Variants in FRRS1 observed in about 807,000 individuals in gnomAD.
FRRS1 encodes ferric chelate reductase 1.
Under a neutral mutation model 70.7 loss-of-function variants are expected in FRRS1, and 51 were observed. The ratio of observed to expected loss-of-function variants is 0.72; its 90% CI spans 0.58 to 0.91. The LOEUF (loss-of-function observed/expected upper bound fraction) is 0.91. Among genes scored for constraint, FRRS1 ranks in the 40% least tolerant of loss-of-function variants. The probability of loss-of-function intolerance (pLI) is 0.00; values close to 1 mark genes in which losing one functional copy is unlikely to be tolerated. For synonymous variants in FRRS1, 225 were observed against 238.7 expected, an observed-to-expected ratio of 0.94 and a Z score of 0.53; for missense variants, 672 against 726.0, an observed-to-expected ratio of 0.93 and a Z score of 0.86.
Position 99,706,269 on chromosome 1 carries a change from G to A in FRRS1, c.*2759C>T, listed in dbSNP as rs555154381. On this transcript the variant is annotated 3_prime_UTR_variant, in exon 17 of 17. Transcript: ENST00000646001. ...TTTTTAATTAGCTGGCTGTGGTGGT[G>A]CACGGAGTTGGTGCCTGTAGTTCCA... Among the ~76,000 whole-genome samples the A allele has an allele frequency of 2.0e-4, 31 of 151,648 alleles. No individual in the cohort carries two copies. Among genetic ancestry groups the A allele is most frequent in the African/African-American group, 7.5e-4 (31 of 41,304 alleles).
At chr1:99,716,534 C>G (rs1377016201) in intron 11 of FRRS1, among the ~76,000 whole-genome samples, 1 of 152,150 alleles carries the variant, frequency 6.6e-6, no homozygotes, top group African/African-American at 2.4e-5. Flanking sequence ...AAGAAAGGAG[C>G]AAGGTGAGCC....
intron 1 of FRRS1, 64 bp downstream of exon 1, chr1:99,766,543 C>T (rs1657362283): frequency 6.6e-6 from 1 of 152,228 alleles, no homozygotes; most frequent in Non-Finnish European, 1.5e-5. Flanking sequence ...TGTCGCTAAG[C>T]TGGATTTGAT....
chr1:99,750,896 T>C (rs1656539416), intron 1 of FRRS1, among the ~76,000 whole-genome samples: 1 of 152,174 alleles, frequency 6.6e-6, no homozygotes, highest in Non-Finnish European at 1.5e-5. Flanking sequence ...CATCTAGGTA[T>C]ATATGATGGT....
In FRRS1 at chr1:99,707,621, A is replaced by G. The variant is rs1409219525; in HGVS notation, c.*1407T>C. Among the ~76,000 whole-genome samples, 2 of 152,352 alleles carry G rather than the reference A, an allele frequency of 1.3e-5. No homozygotes were observed. The highest frequency in any genetic ancestry group is 1.9e-4 in the East Asian group (1 of 5,192). On this transcript the variant is annotated 3_prime_UTR_variant, in exon 17 of 17. Transcript: ENST00000646001. ...AAAAAAGTAGCCATTTTTAAAATAA[A>G]GATTAAGAGTTGGTGGAATTTAAGG...
At chr1:99,709,585 T>G (rs751763815) in intron 15 of FRRS1, among the ~76,000 whole-genome samples, 61 of 152,248 alleles carry the variant, frequency 4.0e-4, no homozygotes, top group Non-Finnish European at 6.3e-4. Flanking sequence ...GACATGATGT[T>G]TTGATATATG....
At chr1:99,725,497 T>C (rs1399314621) in intron 9 of FRRS1, among the ~76,000 whole-genome samples, 10 of 152,180 alleles carry the variant, frequency 6.6e-5, no homozygotes, top group Admixed American at 2.6e-4. Context: ...GCAGATTCCA[T>C]GCACCAACAA....
At chr1:99,719,330 A>G (rs922716211) in intron 10 of FRRS1, among the ~76,000 whole-genome samples, 2 of 143,764 alleles carry the variant, frequency 1.4e-5, no homozygotes, top group Admixed American at 1.5e-4. Flanking sequence ...AATGGTGTGA[A>G]CCCGGGAGGT....
chr1:99,726,862 A>G (rs1655100091), intron 9 of FRRS1, among the ~76,000 whole-genome samples: 1 of 152,124 alleles, frequency 6.6e-6, no homozygotes, highest in Admixed American at 6.6e-5. Context: ...GCACACTACC[A>G]CACCCAGCTA....
Position 99,747,655 on chromosome 1 carries a change from A to T in FRRS1, c.197-225T>A, listed in dbSNP as rs1571145331. On this transcript the variant is annotated intron_variant, in intron 3 of 16. Transcript: ENST00000646001. ...AGATATTAATAGCCATTCCGCAAAG[A>T]GAAAAGAAAAATAGGTGATGGTCCA... 6.5e-6 allele frequency: 3 copies of T among 461,656 alleles called. No individual in the cohort carries two copies. In the East Asian group the frequency reaches 1.2e-4, roughly 18 times the overall value. The allele number at this position is 461,656 out of a possible 1,614,324, so 28.6% of individuals were successfully genotyped here.
At chr1:99,722,298 G>A (rs1654872834) in intron 9 of FRRS1, among the ~76,000 whole-genome samples, 1 of 152,098 alleles carries the variant, frequency 6.6e-6, no homozygotes, top group Non-Finnish European at 1.5e-5. Flanking sequence ...ATAAGCCACT[G>A]TGCCTCGCCT....
chr1:99,734,152 G>C (rs777397606), intron 7 of FRRS1, among the ~76,000 whole-genome samples: 10 of 152,176 alleles, frequency 6.6e-5, no homozygotes, highest in Non-Finnish European at 1.5e-4. Flanking sequence ...TCCAAGAGAT[G>C]TAACAACCAA....
intron 9 of FRRS1, 65 bp downstream of exon 9, chr1:99,728,428 T>C: frequency 7.3e-7 from 1 of 1,367,230 alleles, no homozygotes; most frequent in South Asian, 1.5e-5. Context: ...TTTCCAAAAA[T>C]GGGGGAAAGA....
At chr1:99,759,378 C>T (rs1657009938) in intron 1 of FRRS1, among the ~76,000 whole-genome samples, 2 of 152,128 alleles carry the variant, frequency 1.3e-5, no homozygotes, top group African/African-American at 2.4e-5. Context: ...TAGAAAGAAC[C>T]TATGTTGAAA....
chr1:99,727,405 T>C (rs1655126126), intron 9 of FRRS1, among the ~76,000 whole-genome samples: 1 of 152,226 alleles, frequency 6.6e-6, no homozygotes, highest in African/African-American at 2.4e-5. Flanking sequence ...ATGTATCACC[T>C]ATATCTAAAT....
intron 9 of FRRS1, among the ~76,000 whole-genome samples, chr1:99,720,790 G>A (rs1217021097): frequency 1.3e-5 from 2 of 148,414 alleles, no homozygotes; most frequent in African/African-American, 4.9e-5. Flanking sequence ...ATGCAATCAA[G>A]GTACTATTCA....
intron 6 of FRRS1, among the ~76,000 whole-genome samples, chr1:99,739,843 CGTTT>C (rs1655866460): frequency 1.3e-5 from 2 of 151,432 alleles, no homozygotes; most frequent in African/African-American, 2.4e-5. Flanking sequence ...TTTAGGCCCA[CGTTT>C]GTTCTTTCAA....
intron 4 of FRRS1, among the ~76,000 whole-genome samples, chr1:99,746,987 G>C (rs2100979567): frequency 6.6e-6 from 1 of 152,110 alleles, no homozygotes; most frequent in African/African-American, 2.4e-5. Context: ...AAGGCAATGA[G>C]AATAAAGACC....
In FRRS1 at chr1:99,719,627, G is replaced by A; in HGVS notation, c.1027C>T (p.Gln343Ter). 6.2e-7 allele frequency: 1 copy of A among 1,601,254 alleles called. No individual in the cohort carries two copies. The highest frequency in any genetic ancestry group is 8.5e-7 in the Non-Finnish European group (1 of 1,169,698). Residue 343 changes from glutamine to a stop codon, truncating the protein, a stop_gained, in exon 10 of 17, where the codon CAG (glutamine) becomes TAG (stop). Coordinates refer to ENST00000646001, the MANE Select transcript of FRRS1 (RefSeq NM_001361041.2). LOFTEE classifies it high-confidence loss of function. ...TTTTCATAGGTAATCAAAGGTTGCT[G>A]AGAGTGCTTGTAAATTCGACCTGCA... ...ANDGRIYKHS[Q>*]QPLITYEKYD...
Position 99,709,063 on chromosome 1 carries a change from G to T in FRRS1, c.1744C>A (p.Leu582Ile). 6.2e-7 allele frequency: 1 copy of T among 1,613,510 alleles called. No individual in the cohort carries two copies. Among genetic ancestry groups the T allele is most frequent in the African/African-American group, 1.3e-5 (1 of 74,840 alleles). ...TTGATTGCAGATAAAAATATGATGA[G>T]AAAAGTAACATTCCCACAGACATAA... ...AIYVCGNVTF[L>I]IIFLSAINHL Residue 582 changes from leucine (L) to isoleucine (I), a missense_variant, in exon 17 of 17, where the codon CTC (leucine) becomes ATC (isoleucine). Leu to Ile is a conservative substitution (Grantham distance 5, BLOSUM62 2). Transcript: ENST00000646001.
Sources: gnomAD v4.1 joint callset for allele counts (sites outside exome capture counted in the v4.1 genomes callset) on GRCh38, gnomAD v4.1.1 for gene constraint, MANE v1.5 for transcripts, NCBI Gene and HGNC (gene_info 2026-07-23, HGNC 2026-07-21) for gene names.